Variants in MRTFA observed in about 807,000 individuals in gnomAD.
MRTFA encodes the protein myocardin related transcription factor A.
MRTFA carries 20 observed loss-of-function variants against 83.5 expected under a neutral mutation model. The observed-to-expected ratio is 0.24, with a 90% CI of 0.17 to 0.35. The LOEUF is 0.35. Ranked by LOEUF, MRTFA falls within the 10% of genes least tolerant of loss-of-function variation. MRTFA has a pLI of 1.00. For synonymous variants in MRTFA, 659 were observed against 541.2 expected (o/e 1.22, Z -3.02); for missense variants, 1,200 against 1,224.7 (o/e 0.98, Z 0.30).
intron 4 of MRTFA, among the ~76,000 whole-genome samples, chr22:40,458,751 C>T (rs929156175): frequency 1.3e-5 from 2 of 152,086 alleles, no homozygotes; most frequent in African/African-American, 2.4e-5. Context: ...CTAAGTTGTA[C>T]AACAAACTTA....
At chr22:40,591,720 C>T (rs2056123976) in intron 2 of MRTFA, among the ~76,000 whole-genome samples, 1 of 152,116 alleles carries the variant, frequency 6.6e-6, no homozygotes, top group African/African-American at 2.4e-5. Context: ...AAAGAACTAA[C>T]ATTTGTTCAA....
chr22:40,510,866 A>T (rs1030445560), intron 3 of MRTFA, among the ~76,000 whole-genome samples: 5 of 152,128 alleles, frequency 3.3e-5, no homozygotes, highest in African/African-American at 4.8e-5. Context: ...ACTAACGGTT[A>T]TATGCAAAGG....
At chr22:40,478,940 C>T (rs1268278316) in intron 3 of MRTFA, among the ~76,000 whole-genome samples, 1 of 152,078 alleles carries the variant, frequency 6.6e-6, no homozygotes, top group Admixed American at 6.5e-5. Flanking sequence ...TGTCCAACAC[C>T]CCCTAACAGC....
chr22:40,540,411 C>G (rs922554692), intron 3 of MRTFA, among the ~76,000 whole-genome samples: 1 of 152,186 alleles, frequency 6.6e-6, no homozygotes, highest in Non-Finnish European at 1.5e-5. Context: ...ACCTTTCTCA[C>G]AGCCTCCATG....
At chr22:40,460,106 GTAGA>G (rs2053684193) in intron 4 of MRTFA, among the ~76,000 whole-genome samples, 2 of 151,742 alleles carry the variant, frequency 1.3e-5, no homozygotes, top group Admixed American at 6.6e-5. Context: ...TGTATTTTTA[GTAGA>G]GACGGGGTTT....
intron 14 of MRTFA, among the ~76,000 whole-genome samples, chr22:40,413,925 T>G (rs1171650635): frequency 2.0e-5 from 3 of 151,598 alleles, no homozygotes; most frequent in African/African-American, 7.3e-5. Flanking sequence ...AAATTGAAAA[T>G]AAGAAGTGCT....
intron 3 of MRTFA, among the ~76,000 whole-genome samples, chr22:40,476,169 G>T (rs749850865): frequency 6.6e-6 from 1 of 151,162 alleles, no homozygotes; most frequent in Non-Finnish European, 1.5e-5. Context: ...GGGGGGTCTT[G>T]AAAGTATTTT....
chr22:40,428,490 G>A (rs1478130271), intron 7 of MRTFA, among the ~76,000 whole-genome samples: 3 of 152,104 alleles, frequency 2.0e-5, no homozygotes, highest in Non-Finnish European at 2.9e-5. Flanking sequence ...GGCCCTGCAC[G>A]TCCTGAACTG....
intron 3 of MRTFA, among the ~76,000 whole-genome samples, chr22:40,508,476 C>T (rs2147237220): frequency 7.4e-6 from 1 of 134,890 alleles, no homozygotes; most frequent in African/African-American, 2.8e-5. Context: ...CATGCCAGTG[C>T]ACTCCGGCCT....
chr22:40,413,259 G>A (rs1254402066), intron 14 of MRTFA, among the ~76,000 whole-genome samples: 3 of 151,492 alleles, frequency 2.0e-5, no homozygotes, highest in African/African-American at 7.3e-5. Flanking sequence ...GAGTTTGAGA[G>A]CAGCCTGGGC....
At chr22:40,419,658 C>T (rs2052783904) in intron 11 of MRTFA, among the ~76,000 whole-genome samples, 1 of 152,246 alleles carries the variant, frequency 6.6e-6, no homozygotes, top group Admixed American at 6.5e-5. Context: ...CCCCAGCCCC[C>T]AGCCCCCAGC....
intron 3 of MRTFA, among the ~76,000 whole-genome samples, chr22:40,501,828 G>T (rs2054482920): frequency 1.6e-5 from 1 of 63,780 alleles, no homozygotes; most frequent in African/African-American, 7.8e-5. Context: ...CCTCCCTCCC[G>T]GACAGGGCGG....
chr22:40,460,507 C>G (rs1382896979), intron 4 of MRTFA, among the ~76,000 whole-genome samples: 1 of 152,204 alleles, frequency 6.6e-6, no homozygotes, highest in African/African-American at 2.4e-5. Context: ...TTTGGCAGCC[C>G]AAATTTTGGC....
Position 40,410,481 on chromosome 22 carries a change from G to A in MRTFA, c.*909C>T. 1 of 233,248 alleles carries A rather than the reference G, an allele frequency of 4.3e-6. No homozygotes were observed. The highest frequency in any genetic ancestry group is 8.5e-6 in the Non-Finnish European group (1 of 117,728). 14.4% of individuals were successfully genotyped at this position (233,248 alleles called of 1,614,324 possible). On this transcript the variant is annotated 3_prime_UTR_variant, in exon 15 of 15. Transcript: ENST00000355630. ...TGGGCCCGAAGCTCCTCCTGTCCTA[G>A]GGCCACGCTGGCTGCAGTGAGGCGG... is the stretch of plus-strand genomic sequence containing the variant.
chr22:40,616,617 A>G (rs1007520745), intron 1 of MRTFA, among the ~76,000 whole-genome samples: 1 of 152,194 alleles, frequency 6.6e-6, no homozygotes, highest in Non-Finnish European at 1.5e-5. Context: ...GGAGATGCCA[A>G]AGATTCCCCT....
At chr22:40,480,479 GAA>G (rs1455099237) in intron 3 of MRTFA, among the ~76,000 whole-genome samples, 1 of 151,926 alleles carries the variant, frequency 6.6e-6, no homozygotes, top group African/African-American at 2.4e-5. Context: ...GATATGGATG[GAA>G]AAAAGTGATC....
chr22:40,592,908 A>C (rs1347177214), intron 2 of MRTFA, among the ~76,000 whole-genome samples: 1 of 152,166 alleles, frequency 6.6e-6, no homozygotes, highest in Non-Finnish European at 1.5e-5. Flanking sequence ...TGGCTCAGGG[A>C]CTTTTGCAGA....
At chr22:40,500,578 A>G (rs1300025727) in intron 3 of MRTFA, among the ~76,000 whole-genome samples, 1 of 151,952 alleles carries the variant, frequency 6.6e-6, no homozygotes, top group African/African-American at 2.4e-5. Flanking sequence ...ACTTGCGATT[A>G]GGGATTGGTG....
chr22:40,439,550 T>C (rs2053236453), intron 4 of MRTFA, among the ~76,000 whole-genome samples: 1 of 139,248 alleles, frequency 7.2e-6, no homozygotes, highest in Non-Finnish European at 1.5e-5. Context: ...GAAAAGAAAC[T>C]GTTGGGTAGG....
Sources: allele counts gnomAD v4.1 joint callset (sites outside exome capture counted in the v4.1 genomes callset), GRCh38; gene constraint gnomAD v4.1.1; transcripts MANE v1.5; gene names NCBI Gene and HGNC (gene_info 2026-07-23, HGNC 2026-07-21).